MTNAP1: variants seen among roughly 807,000 people sequenced by gnomAD.
MTNAP1 encodes the protein mitochondrial nucleoid-associated protein 1.
chr17:73,247,131 G>T, the MTNAP1 span: 1 of 897,166 alleles, frequency 1.1e-6, no homozygotes, highest in Non-Finnish European at 1.8e-6. Flanking sequence ...CTGCTCATTT[G>T]GTTAGGTGGC....
At chr17:73,239,949 C>A in the MTNAP1 span, among the ~76,000 whole-genome samples, 2 of 152,198 alleles carry the variant, frequency 1.3e-5, no homozygotes, top group African/African-American at 4.8e-5. Flanking sequence ...TTAAAGACCA[C>A]AGATAGAAGA....
chr17:73,235,603 GTT>G, the MTNAP1 span: 178 of 1,614,130 alleles, frequency 1.1e-4, no homozygotes, highest in African/African-American at 2.2e-3. Flanking sequence ...TGATCAAAAA[GTT>G]TATCAGTCCA....
chr17:73,248,735 CTGTG>C, the MTNAP1 span: 3 of 614,830 alleles, frequency 4.9e-6, no homozygotes, highest in South Asian at 1.9e-5. Flanking sequence ...CACACGTGGT[CTGTG>C]TAAGTGGATT....
chr17:73,242,463 G>T, the MTNAP1 span: 1 of 672,442 alleles, frequency 1.5e-6, no homozygotes, highest in South Asian at 2.2e-5. Context: ...ATGTTAAAAT[G>T]TGTGTTGTCT....
chr17:73,242,251 G>T, the MTNAP1 span: 1 of 1,582,032 alleles, frequency 6.3e-7, no homozygotes, highest in East Asian at 2.3e-5. Flanking sequence ...TAGTTTCTTT[G>T]TTGGAACGAA....
the MTNAP1 span, among the ~76,000 whole-genome samples, chr17:73,238,305 C>T: frequency 7.1e-6 from 1 of 140,432 alleles, no homozygotes; most frequent in South Asian, 2.3e-4. Context: ...GCATACCTGT[C>T]GTGTGTAGTG....
chr17:73,242,206 C>T, the MTNAP1 span: 20 of 1,403,272 alleles, frequency 1.4e-5, no homozygotes, highest in African/African-American at 1.3e-4. Context: ...GGGTACGTTT[C>T]GGTAAACAAT....
chr17:73,248,700 A>G, the MTNAP1 span: 772 of 716,326 alleles, frequency 1.1e-3, 4 homozygotes, highest in Non-Finnish European at 1.6e-3. Flanking sequence ...ATTCACGGAC[A>G]TGCCTGAATA....
At chr17:73,236,121 A>T in the MTNAP1 span, 1 of 1,614,182 alleles carries the variant, frequency 6.2e-7, no homozygotes, top group Admixed American at 1.7e-5. Flanking sequence ...ATCCCCAAAG[A>T]CAGGAACTTC....
At chr17:73,248,733 G>A in the MTNAP1 span, 4 of 614,918 alleles carry the variant, frequency 6.5e-6, no homozygotes, top group African/African-American at 5.5e-5. Context: ...CTCACACGTG[G>A]TCTGTGTAAG....
the MTNAP1 span, chr17:73,235,404 T>G: frequency 7.8e-7 from 1 of 1,277,350 alleles, no homozygotes; most frequent in African/African-American, 1.5e-5. Context: ...ATTTAAAAGA[T>G]ACAACACATA....
chr17:73,247,602 T>C, the MTNAP1 span: 1 of 400,120 alleles, frequency 2.5e-6, no homozygotes, highest in Non-Finnish European at 4.6e-6. Context: ...AATAAGTTAT[T>C]TAATGAGAAT....
chr17:73,248,371 T>G, the MTNAP1 span: 1 of 888,650 alleles, frequency 1.1e-6, no homozygotes, highest in Non-Finnish European at 1.8e-6. Flanking sequence ...TCTAACATGA[T>G]TTACCATTTT....
the MTNAP1 span, among the ~76,000 whole-genome samples, chr17:73,239,520 C>CTTTTTTTTTTTTTTTTTTTTT: frequency 7.1e-6 from 1 of 141,518 alleles, no homozygotes. Context: ...CTTCAGACAT[C>CTTTTTTTTTTTTTTTTTTTTT]TTTTTTTTTT....
the MTNAP1 span, chr17:73,235,998 T>C: frequency 1.2e-6 from 2 of 1,614,204 alleles, no homozygotes; most frequent in South Asian, 1.1e-5. Context: ...CTGGAGCGTC[T>C]TTACTGGTTG....
At chr17:73,245,028 G>A in the MTNAP1 span, 1 of 738,670 alleles carries the variant, frequency 1.4e-6, no homozygotes, top group Admixed American at 2.7e-5. Flanking sequence ...TGAAGAAAGT[G>A]AAACAAACTT....
the MTNAP1 span, among the ~76,000 whole-genome samples, chr17:73,234,904 C>G: frequency 6.6e-6 from 1 of 151,492 alleles, no homozygotes. Flanking sequence ...ACTTTGGAAA[C>G]CTCTGCTGTA....
the MTNAP1 span, among the ~76,000 whole-genome samples, chr17:73,239,170 A>G: frequency 6.6e-6 from 1 of 152,060 alleles, no homozygotes; most frequent in Non-Finnish European, 1.5e-5. Context: ...TCGTGACCTC[A>G]GGTGATCTGC....
At chr17:73,232,842 G>T in the MTNAP1 span, 1 of 152,800 alleles carries the variant, frequency 6.5e-6, no homozygotes, top group Non-Finnish European at 1.5e-5. Context: ...GCCGGCGGAG[G>T]GTCTTCCTGG....
Sources: gnomAD v4.1 joint callset for allele counts (sites outside exome capture counted in the v4.1 genomes callset) on GRCh38, gnomAD v4.1.1 for gene constraint, MANE v1.5 for transcripts, NCBI Gene and HGNC (gene_info 2026-07-23, HGNC 2026-07-21) for gene names.